The following FGGY variants were observed in gnomAD, a reference collection of about 807,000 sequenced individuals.
FGGY encodes FGGY carbohydrate kinase domain-containing protein.
A neutral mutation model predicts 71.3 loss-of-function variants in FGGY; 72 were observed. That is an observed-to-expected ratio of 1.01 (90% confidence interval 0.84 to 1.23). The LOEUF is 1.23. Among genes scored for constraint, FGGY ranks in the 50% most tolerant of loss-of-function variants. The pLI is 0.00. For missense variants in FGGY, 668 were observed against 682.3 expected, an observed-to-expected ratio of 0.98 and a Z score of 0.23; for synonymous variants, 251 against 250.3, an observed-to-expected ratio of 1.00 and a Z score of -0.02.
intron 7 of FGGY, among the ~76,000 whole-genome samples, chr1:59,517,128 A>G (rs934377145): frequency 1.3e-5 from 2 of 151,142 alleles, no homozygotes; most frequent in Non-Finnish European, 2.9e-5. Context: ...TGCTGCTGAT[A>G]TTTTTCTAGC....
intron 15 of FGGY, among the ~76,000 whole-genome samples, chr1:59,758,514 G>A (rs545505334): frequency 1.3e-5 from 2 of 152,302 alleles, no homozygotes; most frequent in East Asian, 1.9e-4. Flanking sequence ...TTAGAACAAC[G>A]GGATAAGTTC....
chr1:59,393,628 C>T (rs906744818), intron 5 of FGGY, among the ~76,000 whole-genome samples: 1 of 151,872 alleles, frequency 6.6e-6, no homozygotes, highest in Non-Finnish European at 1.5e-5. Flanking sequence ...CCCAAATCAG[C>T]CCTGCAGTCT....
chr1:59,610,880 C>T (rs2096669854), intron 9 of FGGY, among the ~76,000 whole-genome samples: 1 of 152,268 alleles, frequency 6.6e-6, no homozygotes, highest in Non-Finnish European at 1.5e-5. Flanking sequence ...GCGCCTGGCT[C>T]AGAGGGTCCC....
rs143858205 is a variant in FGGY at position 59,407,186 on chromosome 1, C to T, written c.554+28349C>T. ...TCATCGGCTGGTTGGTCCTGGGTCTCGAGCTTTAGCCCTGCCTTCTTCCTT... is the reference window on the plus strand; with the variant it reads ...TCATCGGCTGGTTGGTCCTGGGTCTTGAGCTTTAGCCCTGCCTTCTTCCTT... On this transcript the variant is annotated intron_variant, in intron 5 of 15. Coordinates refer to ENST00000303721, the MANE Select transcript of FGGY (RefSeq NM_018291.5). Among the ~76,000 whole-genome samples the T allele has an allele frequency of 5.9e-5, 9 of 152,278 alleles. No individual in the cohort carries two copies. The South Asian group carries it at 6.2e-4, about 11-fold the overall frequency.
At chr1:59,357,303 CAG>C (rs1491252117) in intron 4 of FGGY, among the ~76,000 whole-genome samples, 2,025 of 152,238 alleles carry the variant, frequency 0.013, 17 homozygotes, top group Middle Eastern at 0.037. Context: ...AGTTGTTGGC[CAG>C]ATACCTTGTA....
chr1:59,679,376 T>C (rs925541031), intron 14 of FGGY, among the ~76,000 whole-genome samples: 4 of 152,122 alleles, frequency 2.6e-5, no homozygotes, highest in Non-Finnish European at 5.9e-5. Flanking sequence ...ATTTGCAAAA[T>C]AAAGCTGATT....
chr1:59,688,941 G>A (rs947175070), intron 14 of FGGY, among the ~76,000 whole-genome samples: 6 of 152,048 alleles, frequency 3.9e-5, no homozygotes, highest in Admixed American at 3.9e-4. Flanking sequence ...GTAGAGACAG[G>A]ATTTCACCAT....
At chr1:59,470,154 A>C (rs1189376127) in intron 6 of FGGY, among the ~76,000 whole-genome samples, 1 of 152,174 alleles carries the variant, frequency 6.6e-6, no homozygotes, top group Non-Finnish European at 1.5e-5. Flanking sequence ...TTCCATCTTT[A>C]GGTCTTTGAG....
intron 5 of FGGY, among the ~76,000 whole-genome samples, chr1:59,431,579 G>C (rs2067368206): frequency 6.6e-6 from 1 of 152,120 alleles, no homozygotes; most frequent in Non-Finnish European, 1.5e-5. Context: ...AGATCATCCA[G>C]GAACCCAGGT....
intron 4 of FGGY, among the ~76,000 whole-genome samples, chr1:59,361,304 C>G (rs2055463405): frequency 6.6e-6 from 1 of 152,070 alleles, no homozygotes; most frequent in Admixed American, 6.5e-5. Flanking sequence ...TGCTCATATT[C>G]TAGAAAGGAG....
intron 5 of FGGY, among the ~76,000 whole-genome samples, chr1:59,409,598 T>TTATATATATATATATATATATATATA (rs202016801): frequency 9.5e-6 from 1 of 105,760 alleles, no homozygotes; most frequent in African/African-American, 3.1e-5. Context: ...GAAGAGTTTT[T>TTATATATATATATATATATATATATA]TATATATATA....
At chr1:59,530,299 A>T (rs1025149357) in intron 7 of FGGY, among the ~76,000 whole-genome samples, 1 of 152,242 alleles carries the variant, frequency 6.6e-6, no homozygotes, top group South Asian at 2.1e-4. Flanking sequence ...AATATGCTGT[A>T]ATTTTAATAA....
chr1:59,700,404 A>G (rs1285581965), intron 14 of FGGY, among the ~76,000 whole-genome samples: 5 of 152,206 alleles, frequency 3.3e-5, no homozygotes, highest in African/African-American at 1.2e-4. Flanking sequence ...TGGGACAGGA[A>G]CTGTTATTAT....
intron 11 of FGGY, among the ~76,000 whole-genome samples, chr1:59,651,270 G>C (rs555043889): frequency 6.6e-6 from 1 of 152,038 alleles, no homozygotes; most frequent in South Asian, 2.1e-4. Context: ...TATTAGGTCC[G>C]CTTGGTGCAG....
chr1:59,736,494 A>T (rs1443637795), intron 14 of FGGY, among the ~76,000 whole-genome samples: 1 of 152,150 alleles, frequency 6.6e-6, no homozygotes, highest in East Asian at 1.9e-4. Context: ...TCCAAGCTGA[A>T]GTGGTCTCAG....
chr1:59,740,600 A>G (rs1327499797), intron 14 of FGGY, among the ~76,000 whole-genome samples: 1 of 152,260 alleles, frequency 6.6e-6, no homozygotes, highest in Non-Finnish European at 1.5e-5. Flanking sequence ...TTGATTATTT[A>G]TCAGTATTAT....
At chr1:59,538,736 A>G (rs2095383162) in intron 7 of FGGY, among the ~76,000 whole-genome samples, 1 of 151,826 alleles carries the variant, frequency 6.6e-6, no homozygotes, top group East Asian at 1.9e-4. Context: ...TCAGTAAACT[A>G]TAGCAAGAAC....
chr1:59,548,757 T>C (rs1314498523), intron 7 of FGGY, among the ~76,000 whole-genome samples: 4 of 152,230 alleles, frequency 2.6e-5, no homozygotes, highest in African/African-American at 7.2e-5. Context: ...AATTGCCACA[T>C]GTGTCTGGTA....
At chr1:59,589,126 C>T (rs993314259) in intron 8 of FGGY, among the ~76,000 whole-genome samples, 2 of 152,086 alleles carry the variant, frequency 1.3e-5, no homozygotes, top group African/African-American at 4.8e-5. Context: ...CAAAAAAAGG[C>T]AGGAGTTGCA....
Sources: gnomAD v4.1 joint callset for allele counts (sites outside exome capture counted in the v4.1 genomes callset) on GRCh38, gnomAD v4.1.1 for gene constraint, MANE v1.5 for transcripts, NCBI Gene and HGNC (gene_info 2026-07-23, HGNC 2026-07-21) for gene names.